Variants in ECHDC3 observed in about 807,000 individuals in gnomAD.
ECHDC3 encodes enoyl-CoA hydratase domain containing 3.
Under a neutral mutation model 17.9 loss-of-function variants are expected in ECHDC3, and 20 were observed. The observed-to-expected ratio is 1.12, with a 90% CI of 0.79 to 1.63. The LOEUF (loss-of-function observed/expected upper bound fraction) is 1.63. Ranked by LOEUF, ECHDC3 falls within the 40% of genes most tolerant of loss-of-function variation. The probability of loss-of-function intolerance (pLI) is 0.00; values close to 1 mark genes in which losing one functional copy is unlikely to be tolerated. For synonymous variants in ECHDC3, 177 were observed against 149.7 expected, an observed-to-expected ratio of 1.18 and a Z score of -1.33; for missense variants, 407 against 357.7, an observed-to-expected ratio of 1.14 and a Z score of -1.11.
At position 11,763,075 on chromosome 10, in the gene ECHDC3, C is replaced by T; in HGVS notation, c.592-149C>T. 1 of 602,080 alleles carries T rather than the reference C, an allele frequency of 1.7e-6. No individual in the cohort carries two copies. Among genetic ancestry groups the T allele is most frequent in the African/African-American group, 1.8e-5 (1 of 54,096 alleles). 37.3% of individuals were successfully genotyped at this position (602,080 alleles called of 1,614,324 possible). On this transcript the variant is annotated intron_variant, in intron 4 of 4. Transcript: ENST00000379215. This position sits in a 1 kb window ranked among gnomAD's most constrained non-coding sequence, Gnocchi z 4.9. Reference sequence around the variant, plus strand: ...TTCGCTCTTGGAAAGATCCGCTCTCCTCCCGGGCAGGAGTTAGGGCACTGA... The same window carrying T: ...TTCGCTCTTGGAAAGATCCGCTCTCTTCCCGGGCAGGAGTTAGGGCACTGA...
intron 3 of ECHDC3, among the ~76,000 whole-genome samples, chr10:11,754,330 A>G (rs1325583207): frequency 8.1e-6 from 1 of 124,170 alleles, no homozygotes; most frequent in Non-Finnish European, 1.8e-5. Context: ...CCAAGGTTCA[A>G]AGAGCAGCAC....
At chr10:11,750,020 T>A (rs1187841451) in intron 3 of ECHDC3, among the ~76,000 whole-genome samples, 2 of 152,020 alleles carry the variant, frequency 1.3e-5, no homozygotes, top group African/African-American at 2.4e-5. Flanking sequence ...GGTCTCAAAC[T>A]CCTGACCTCA....
intron 3 of ECHDC3, among the ~76,000 whole-genome samples, chr10:11,752,839 C>T (rs11257305): frequency 0.93 from 142,125 of 152,268 alleles, 67,175 homozygotes; most frequent in East Asian, 1. Flanking sequence ...CAGCCTGGTT[C>T]CAGACCACTG....
In ECHDC3 at chr10:11,755,419, C is replaced by T. The variant is rs771499308; in HGVS notation, c.402C>T (p.His134=). Residue 134 remains histidine (H), a synonymous_variant, in exon 4 of 5, where the codon CAC becomes CAT. Coordinates refer to ENST00000379215, the MANE Select transcript of ECHDC3 (RefSeq NM_024693.5). ...TGTTTGTCCCGCAGGTCATGATGCACATCCGGAACCACCCCGTTCCCGTCA... is the reference window on the plus strand; with the variant it reads ...TGTTTGTCCCGCAGGTCATGATGCATATCCGGAACCACCCCGTTCCCGTCA... The part of the protein sequence containing the change: ...VFQTCSKVMM[H]IRNHPVPVIA... 2 of 1,611,014 alleles carry T rather than the reference C, an allele frequency of 1.2e-6. No homozygotes were observed. The highest frequency in any genetic ancestry group is 4.5e-5 in the East Asian group (2 of 44,722).
chr10:11,747,014 C>G (rs1163501979), intron 1 of ECHDC3, among the ~76,000 whole-genome samples: 1 of 152,230 alleles, frequency 6.6e-6, no homozygotes, highest in Non-Finnish European at 1.5e-5. Flanking sequence ...TCATGCTAAG[C>G]TTGCAGCCTC....
At chr10:11,758,516 C>T (rs1055104127) in intron 4 of ECHDC3, among the ~76,000 whole-genome samples, 1 of 152,328 alleles carries the variant, frequency 6.6e-6, no homozygotes, top group South Asian at 2.1e-4. Context: ...CAAACTGGTG[C>T]AGATGTTAGA....
chr10:11,761,952 G>T (rs1353600712), intron 4 of ECHDC3, among the ~76,000 whole-genome samples: 1 of 152,108 alleles, frequency 6.6e-6, no homozygotes, highest in Non-Finnish European at 1.5e-5. Context: ...AAAAAAAATG[G>T]CCAGGCATGG....
At chr10:11,751,021 C>T (rs909834075) in intron 3 of ECHDC3, among the ~76,000 whole-genome samples, 4 of 152,162 alleles carry the variant, frequency 2.6e-5, no homozygotes, top group Non-Finnish European at 4.4e-5. Flanking sequence ...AAGTTAGAGC[C>T]GAGACCTGGG....
At chr10:11,745,859 T>C (rs1832753256) in intron 1 of ECHDC3, among the ~76,000 whole-genome samples, 1 of 152,232 alleles carries the variant, frequency 6.6e-6, no homozygotes, top group African/African-American at 2.4e-5. Context: ...CAGGTTATTT[T>C]ATTCAGCATG....
rs199572481 is a variant in ECHDC3 at position 11,763,283 on chromosome 10, C to G, written c.651C>G (p.His217Gln). Residue 217 changes from histidine to glutamine, a missense_variant, in exon 5 of 5, where the codon CAC becomes CAG. His to Gln is a conservative substitution (Grantham distance 24). Coordinates refer to ENST00000379215, the MANE Select transcript of ECHDC3 (RefSeq NM_024693.5). The surrounding 1 kb of genome is among the most constrained non-coding windows in gnomAD (Gnocchi z 4.9). ...TTTCTGCCCAGGAGGCCCTGCTCCA[C>G]GGGCTGCTTAGCAAGGTGGTGCCAG... ...EPISAQEALLHGLLSKVVPEA... is the reference protein window; with the variant it reads ...EPISAQEALLQGLLSKVVPEA... The G allele has an allele frequency of 1.0e-5, 8 of 780,270 alleles. No individual in the cohort carries two copies. In the African/African-American group the frequency reaches 1.4e-4, roughly 13 times the overall value. The allele number at this position is 780,270 out of a possible 1,614,324, so 48.3% of individuals were successfully genotyped here. A position where few individuals can be genotyped will look rare whatever the true frequency, so the allele number is the denominator to read the frequency against.
chr10:11,747,629 G>T (rs902329223), intron 2 of ECHDC3, among the ~76,000 whole-genome samples, 159 bp downstream of exon 2: 3 of 152,138 alleles, frequency 2.0e-5, no homozygotes, highest in African/African-American at 7.2e-5. Flanking sequence ...TTGGTGGTTT[G>T]GTCCTAACGC....
rs1832703200 is a variant in ECHDC3 at position 11,742,422 on chromosome 10, C to T, written c.-155C>T. On this transcript the variant is annotated 5_prime_UTR_variant, in exon 1 of 5. Transcript: ENST00000379215. ...CCTGGCCTGGGGCGTCCCCGCGAAG[C>T]CTGGGCCTGTCAGGCGGTTCCGTCC... is the stretch of plus-strand genomic sequence containing the variant. The T allele has an allele frequency of 6.0e-6, 4 of 668,202 alleles. No homozygotes were observed. Among genetic ancestry groups the T allele is most frequent in the African/African-American group, 2.0e-5 (1 of 49,864 alleles). The allele number at this position is 668,202 out of a possible 1,614,324, so 41.4% of individuals were successfully genotyped here.
In ECHDC3 at chr10:11,763,610, A is replaced by G; in HGVS notation, c.*66A>G. ...GCCCACCTTCCCCTCTGGCCCAGCCACCACTGCCTCTCAGCTTCAACAGGT... is the reference window on the plus strand; with the variant it reads ...GCCCACCTTCCCCTCTGGCCCAGCCGCCACTGCCTCTCAGCTTCAACAGGT... On this transcript the variant is annotated 3_prime_UTR_variant, in exon 5 of 5. Transcript: ENST00000379215. This position sits in a 1 kb window ranked among gnomAD's most constrained non-coding sequence, Gnocchi z 4.9. The G allele has an allele frequency of 7.0e-7, 1 of 1,438,524 alleles. No individual in the cohort carries two copies. The highest frequency in any genetic ancestry group is 9.1e-7 in the Non-Finnish European group (1 of 1,099,574). 89.1% of individuals were successfully genotyped at this position (1,438,524 alleles called of 1,614,324 possible).
chr10:11,753,968 A>G (rs1832857420), intron 3 of ECHDC3, among the ~76,000 whole-genome samples: 1 of 151,942 alleles, frequency 6.6e-6, no homozygotes, highest in Non-Finnish European at 1.5e-5. Flanking sequence ...TTTAGTAGAG[A>G]CAGGGTTTCA....
chr10:11,751,984 A>G (rs1832829849), intron 3 of ECHDC3, among the ~76,000 whole-genome samples: 2 of 152,220 alleles, frequency 1.3e-5, no homozygotes. Flanking sequence ...CCAAAACAGT[A>G]CCTAATTCAG....
chr10:11,755,431 C>T lies in ECHDC3; in HGVS notation c.414C>T (p.His138=), dbSNP rs200034430. The part of the protein sequence containing the change: ...CSKVMMHIRN[H]PVPVIAMVNG... ...AGGTCATGATGCACATCCGGAACCA[C>T]CCCGTTCCCGTCATTGCCATGGTCA... is the stretch of plus-strand genomic sequence containing the variant. Residue 138 remains histidine, a synonymous_variant, in exon 4 of 5, where the codon CAC becomes CAT. Transcript: ENST00000379215. The T allele has an allele frequency of 1.1e-5, 18 of 1,613,702 alleles. No individual in the cohort carries two copies. The highest frequency in any genetic ancestry group is 1.4e-5 in the Non-Finnish European group (16 of 1,179,698).
At chr10:11,759,302 C>T (rs1423975051) in intron 4 of ECHDC3, among the ~76,000 whole-genome samples, 1 of 150,074 alleles carries the variant, frequency 6.7e-6, no homozygotes. Context: ...TGCAGTGAGC[C>T]GAGGTCGTGC....
At chr10:11,745,791 A>G (rs1265618993) in intron 1 of ECHDC3, among the ~76,000 whole-genome samples, 1 of 152,198 alleles carries the variant, frequency 6.6e-6, no homozygotes, top group Admixed American at 6.5e-5. Context: ...CTCTTTGCCC[A>G]TTTCTTGTAA....
At chr10:11,754,029 C>T (rs1832857949) in intron 3 of ECHDC3, among the ~76,000 whole-genome samples, 1 of 152,092 alleles carries the variant, frequency 6.6e-6, no homozygotes, top group African/African-American at 2.4e-5. Flanking sequence ...GATCCACCCA[C>T]CTGTGTTCTT....
Sources: gnomAD v4.1 joint callset for allele counts (sites outside exome capture counted in the v4.1 genomes callset) on GRCh38, gnomAD v4.1.1 for gene constraint, Gnocchi (gnomAD v3.1) non-coding constraint, MANE v1.5 for transcripts, NCBI Gene and HGNC (gene_info 2026-07-23, HGNC 2026-07-21) for gene names.